Variants in ZNF768 observed in about 807,000 individuals in gnomAD.
ZNF768 encodes zinc finger protein 768.
ZNF768 carries 12 observed loss-of-function variants against 39.7 expected under a neutral mutation model. The ratio of observed to expected loss-of-function variants is 0.30; its 90% CI spans 0.19 to 0.49. The LOEUF is 0.49. ZNF768 is among the 20% of genes least tolerant of loss of function. The pLI is 0.99. For missense variants in ZNF768, 613 were observed against 723.2 expected, an observed-to-expected ratio of 0.85 and a Z score of 1.75; for synonymous variants, 360 against 288.4, an observed-to-expected ratio of 1.25 and a Z score of -2.52.
In ZNF768 at chr16:30,524,483, T is replaced by C; in HGVS notation, c.*34A>G. On this transcript the variant is annotated 3_prime_UTR_variant, in exon 2 of 2. Coordinates refer to ENST00000380412, the MANE Select transcript of ZNF768 (RefSeq NM_024671.4). ...TCTAGCTCCCTGGCCCCTTATCTTCTGCCCACACCTCCCACCCCTGCTGGG... is the reference window on the plus strand; with the variant it reads ...TCTAGCTCCCTGGCCCCTTATCTTCCGCCCACACCTCCCACCCCTGCTGGG... 6.3e-7 allele frequency: 1 copy of C among 1,578,148 alleles called. No homozygotes were observed. The highest frequency in any genetic ancestry group is 1.1e-5 in the South Asian group (1 of 87,152).
rs377612736 is a variant in ZNF768 at position 30,524,478 on chromosome 16, T to A, written c.*39A>T. On this transcript the variant is annotated 3_prime_UTR_variant, in exon 2 of 2. Transcript: ENST00000380412. ...GTTCCTCTAGCTCCCTGGCCCCTTA[T>A]CTTCTGCCCACACCTCCCACCCCTG... The A allele has an allele frequency of 2.5e-6, 4 of 1,570,906 alleles. No individual in the cohort carries two copies. Among genetic ancestry groups the A allele is most frequent in the Non-Finnish European group, 3.4e-6 (4 of 1,164,488 alleles).
upstream of ZNF768, chr16:30,527,562 G>C (rs114889014): frequency 0.022 from 3,453 of 154,792 alleles, 131 homozygotes; most frequent in African/African-American, 0.078. Context: ...CTCCCCTGTC[G>C]GCCAGAAGCG....
upstream of ZNF768, chr16:30,527,039 GCC>G (rs1389484784): frequency 2.3e-5 from 23 of 985,292 alleles, no homozygotes; most frequent in Non-Finnish European, 2.8e-5. Context: ...CATCTCCCGG[GCC>G]CCGCGTCGTC....
upstream of ZNF768, chr16:30,527,459 C>T (rs1389384133): frequency 1.4e-5 from 5 of 359,978 alleles, no homozygotes; most frequent in Non-Finnish European, 1.6e-5. Context: ...GCCGCCCCGC[C>T]TCCTCCAACC....
upstream of ZNF768, chr16:30,526,920 G>A (rs1164948588): frequency 1.8e-5 from 18 of 985,534 alleles, no homozygotes; most frequent in Middle Eastern, 1.0e-3. Flanking sequence ...GGCTGGAGGG[G>A]CCCGGCCACG....
At chr16:30,526,956 G>A (rs1282891919), upstream of ZNF768, 4 of 985,350 alleles carry the variant, frequency 4.1e-6, no homozygotes, top group African/African-American at 7.0e-5. Context: ...GGACGCCCCG[G>A]AGCCCGCGGG....
In ZNF768 at chr16:30,526,063, G is replaced by C; in HGVS notation, c.89-12C>G. 1 of 1,496,410 alleles carries C rather than the reference G, an allele frequency of 6.7e-7. No individual in the cohort carries two copies. The highest frequency in any genetic ancestry group is 1.8e-4 in the Middle Eastern group (1 of 5,526). The allele number at this position is 1,496,410 out of a possible 1,614,324, so 92.7% of individuals were successfully genotyped here. ...CTCACTCATGTTGCCTGCAGGATGAGAGAATCCAGATCGTGTGAGACCTGG... is the reference window on the plus strand; with the variant it reads ...CTCACTCATGTTGCCTGCAGGATGACAGAATCCAGATCGTGTGAGACCTGG... On this transcript the variant is annotated splice_polypyrimidine_tract_variant and intron_variant, in intron 1 of 1. Transcript: ENST00000380412.
chr16:30,531,476 G>C (rs938075682), upstream of ZNF768: 42 of 152,190 alleles, frequency 2.8e-4, no homozygotes, highest in African/African-American at 9.4e-4. Flanking sequence ...AGGGTCACTG[G>C]TTTTTTAGGT....
upstream of ZNF768, chr16:30,527,406 G>T: frequency 1.2e-6 from 1 of 825,622 alleles, no homozygotes; most frequent in Non-Finnish European, 1.5e-6. Context: ...CAGCTTCTCC[G>T]CCCCAGGAAG....
chr16:30,526,981 G>A (rs2051333976), upstream of ZNF768: 2 of 985,554 alleles, frequency 2.0e-6, no homozygotes, highest in East Asian at 1.1e-4. Flanking sequence ...CCGGGGCAGT[G>A]TGTGTGCCTA....
Position 30,524,372 on chromosome 16 carries a change from A to C in ZNF768, c.*145T>G, listed in dbSNP as rs113035272. The C allele has an allele frequency of 4.9e-5, 66 of 1,333,594 alleles. No individual in the cohort carries two copies. In the African/African-American group the frequency reaches 8.3e-4, roughly 17 times the overall value. 82.6% of individuals were successfully genotyped at this position (1,333,594 alleles called of 1,614,324 possible). A position where few individuals can be genotyped will look rare whatever the true frequency, so the allele number is the denominator to read the frequency against. On this transcript the variant is annotated 3_prime_UTR_variant, in exon 2 of 2. Coordinates refer to ENST00000380412, the MANE Select transcript of ZNF768 (RefSeq NM_024671.4). Reference sequence around the variant, plus strand: ...TTCCCACAAGTCTCCAGGGCATGTCACTTCCTCCACCCTGGTTCTCTTCTT... The same window carrying C: ...TTCCCACAAGTCTCCAGGGCATGTCCCTTCCTCCACCCTGGTTCTCTTCTT...
Position 30,524,590 on chromosome 16 carries a change from T to C in ZNF768, c.1550A>G (p.Asp517Gly), listed in dbSNP as rs1259525795. 6.2e-7 allele frequency: 1 copy of C among 1,611,452 alleles called. No individual in the cohort carries two copies. Among genetic ancestry groups the C allele is most frequent in the Non-Finnish European group, 8.5e-7 (1 of 1,179,516 alleles). ...HSGERPYKCDDCGKAFSQSSD... is the reference protein window; with the variant it reads ...HSGERPYKCDGCGKAFSQSSD... ...GCTCTGGGAGAAGGCCTTTCCGCAG[T>C]CATCGCACTTGTAAGGCCGCTCGCC... The change falls in exon 2 of 2, where the codon GAC becomes GGC. Residue 517 changes from aspartate to glycine, a missense_variant. Coordinates refer to ENST00000380412, the MANE Select transcript of ZNF768 (RefSeq NM_024671.4).
At chr16:30,532,428 G>C in the ZNF768 span, 4 of 1,501,228 alleles carry the variant, frequency 2.7e-6, no homozygotes, top group Non-Finnish European at 3.6e-6. Flanking sequence ...CCTGCAGGCC[G>C]CTGCAGAGGT....
At chr16:30,527,853 G>A (rs2051342348), upstream of ZNF768, 1 of 152,176 alleles carries the variant, frequency 6.6e-6, no homozygotes, top group African/African-American at 2.4e-5. Flanking sequence ...TGATACAAAG[G>A]AGAATTGGAC....
In ZNF768 at chr16:30,525,361, G is replaced by C; in HGVS notation, c.779C>G (p.Pro260Arg). The change falls in exon 2 of 2, where the codon CCT becomes CGT. Residue 260 changes from proline to arginine, a missense_variant. By Grantham distance (103) the Pro-to-Arg change is moderately radical. Around this residue, in one of 4 missense-constraint regions of ZNF768, gnomAD observed 347 missense variants for 326.1 expected, o/e 1.06. Transcript: ENST00000380412. Reference protein sequence around the residue: ...GRARGGQGPRPNICGICGKSF... With the variant: ...GRARGGQGPRRNICGICGKSF... ...CTTCCCGCAGATGCCACAGATGTTA[G>C]GCCGAGGGCCCTGCCCACCCCTGGC... The C allele has an allele frequency of 1.9e-6, 3 of 1,614,136 alleles. No homozygotes were observed. The highest frequency in any genetic ancestry group is 2.5e-6 in the Non-Finnish European group (3 of 1,180,002).
chr16:30,530,566 C>G (rs1475081739), upstream of ZNF768: 2 of 152,246 alleles, frequency 1.3e-5, no homozygotes, highest in Non-Finnish European at 2.9e-5. The surrounding 1 kb of genome is among the most constrained non-coding windows in gnomAD (Gnocchi z 4.4). Context: ...TCTTCTCACC[C>G]CATGTGCCCC....
chr16:30,531,949 C>G, the ZNF768 span: 1 of 159,464 alleles, frequency 6.3e-6, no homozygotes, highest in Non-Finnish European at 1.4e-5. Context: ...GAGTTCGAGA[C>G]CAGCCTAGCC....
chr16:30,528,170 A>AG (rs1330213638), upstream of ZNF768: 1 of 152,144 alleles, frequency 6.6e-6, no homozygotes, highest in African/African-American at 2.4e-5. Flanking sequence ...AATGTTTGGG[A>AG]GGAAGGATGG....
chr16:30,529,520 A>G (rs911288113), upstream of ZNF768, among the ~76,000 whole-genome samples: 3 of 152,184 alleles, frequency 2.0e-5, no homozygotes, highest in Non-Finnish European at 4.4e-5. Flanking sequence ...AAGCCCTCTT[A>G]AAGCCCTTCC....
Sources: gnomAD v4.1 joint callset for allele counts (sites outside exome capture counted in the v4.1 genomes callset) on GRCh38, gnomAD v4.1.1 for gene constraint, gnomAD v4.1.1 regional missense constraint, Gnocchi (gnomAD v3.1) non-coding constraint, MANE v1.5 for transcripts, NCBI Gene and HGNC (gene_info 2026-07-23, HGNC 2026-07-21) for gene names.